Variants in USP34 observed in about 807,000 individuals in gnomAD.
USP34 encodes the protein ubiquitin carboxyl-terminal hydrolase 34.
Under a neutral mutation model 460.3 loss-of-function variants are expected in USP34, and 70 were observed. The observed-to-expected ratio is 0.15, with a 90% CI of 0.13 to 0.19. The LOEUF is 0.19. Ranked by LOEUF, USP34 falls within the 10% of genes least tolerant of loss-of-function variation. The pLI, the probability that USP34 is intolerant of heterozygous loss-of-function variation, is 1.00. For missense variants in USP34, 3,985 were observed against 4,236.2 expected, an observed-to-expected ratio of 0.94 and a Z score of 1.65; for synonymous variants, 1,647 against 1,405.3, an observed-to-expected ratio of 1.17 and a Z score of -3.85.
chr2:61,440,416 C>A (rs533097499), intron 1 of USP34, among the ~76,000 whole-genome samples: 1 of 152,070 alleles, frequency 6.6e-6, no homozygotes, highest in South Asian at 2.1e-4. Context: ...ACAGTGATTG[C>A]GGCTTCCTGT....
At chr2:61,312,783 A>G (rs921114060) in intron 25 of USP34, among the ~76,000 whole-genome samples, 1 of 152,194 alleles carries the variant, frequency 6.6e-6, no homozygotes, top group Non-Finnish European at 1.5e-5. Flanking sequence ...GTTCAGCAGC[A>G]TCTCACCAGA....
intron 38 of USP34, among the ~76,000 whole-genome samples, 181 bp from the exon 39 acceptor site, chr2:61,280,529 T>C (rs986070824): frequency 3.9e-4 from 59 of 151,924 alleles, no homozygotes; most frequent in African/African-American, 1.2e-3. Context: ...GGCAAAAAAA[T>C]GACAAACGTA....
chr2:61,359,964 T>C (rs1255030296), intron 10 of USP34, among the ~76,000 whole-genome samples: 1 of 151,998 alleles, frequency 6.6e-6, no homozygotes, highest in African/African-American at 2.4e-5. Context: ...TTTCTATTTT[T>C]AGTAGAAACG....
intron 51 of USP34, 73 bp downstream of exon 51, chr2:61,245,137 G>A: frequency 1.8e-6 from 2 of 1,098,422 alleles, no homozygotes; most frequent in Non-Finnish European, 2.7e-6. Flanking sequence ...AAGCGACTCT[G>A]CTATTGGATT....
chr2:61,404,255 A>G (rs7559099), intron 3 of USP34, among the ~76,000 whole-genome samples: 20,851 of 152,094 alleles, frequency 0.14, 1,699 homozygotes, highest in South Asian at 0.36. Flanking sequence ...TAAGCTAGAG[A>G]AAAGAGACAG....
In USP34 at chr2:61,385,238, T is replaced by TA. The variant is rs573663903; in HGVS notation, c.754-1903dup. Among the ~76,000 whole-genome samples, 30 of 152,188 alleles carry TA rather than the reference T, an allele frequency of 2.0e-4. 1 individual carries two copies. The highest frequency in any genetic ancestry group is 3.4e-3 in the Middle Eastern group (1 of 294). ...AATAATCAATTAAACAACATGTAAA[T>TA]AAGGAGACATTTGCCATATTTATTG... On this transcript the variant is annotated intron_variant, in intron 5 of 79. Transcript: ENST00000398571.
intron 27 of USP34, among the ~76,000 whole-genome samples, chr2:61,307,379 G>C (rs1178123538): frequency 6.6e-6 from 1 of 151,886 alleles, no homozygotes; most frequent in Admixed American, 6.6e-5. Context: ...ACAAGTTAAT[G>C]GGTGCAGGAC....
chr2:61,230,341 C>T (rs372844084), intron 58 of USP34, among the ~76,000 whole-genome samples: 4 of 152,094 alleles, frequency 2.6e-5, no homozygotes, highest in Non-Finnish European at 4.4e-5. Context: ...GCCTAGCCAA[C>T]ATGGCAAAAC....
chr2:61,405,353 G>C (rs572767848), intron 3 of USP34, among the ~76,000 whole-genome samples: 19 of 151,442 alleles, frequency 1.3e-4, no homozygotes, highest in African/African-American at 4.4e-4. Context: ...AGCAAATTCT[G>C]ATCTGTAGAC....
chr2:61,351,919 C>G (rs942541014), intron 10 of USP34, among the ~76,000 whole-genome samples: 1 of 152,126 alleles, frequency 6.6e-6, no homozygotes, highest in Admixed American at 6.5e-5. Flanking sequence ...AAGTTTACCA[C>G]TTTTACAGGT....
Position 61,265,953 on chromosome 2 carries a change from A to G in USP34, c.5617+31T>C, listed in dbSNP as rs745467043. 1.1e-5 allele frequency: 17 copies of G among 1,508,926 alleles called. No homozygotes were observed. In the African/African-American group the frequency reaches 1.8e-4, roughly 16 times the overall value. 93.5% of individuals were successfully genotyped at this position (1,508,926 alleles called of 1,614,324 possible). A position where few individuals can be genotyped will look rare whatever the true frequency, so the allele number is the denominator to read the frequency against. ...AATCTTATTTCTGAATTCAAAATCT[A>G]TAAAGATTAAAGGAAAAGAAGAATG... is the stretch of plus-strand genomic sequence containing the variant. On this transcript the variant is annotated intron_variant, in intron 42 of 79. Transcript: ENST00000398571.
Position 61,241,143 on chromosome 2 carries a change from C to G in USP34, c.6777+417G>C, listed in dbSNP as rs150441894. 3.4e-3 allele frequency among the ~76,000 whole-genome samples: 514 copies of G among 152,168 alleles called. 2 individuals are homozygous for G. Among genetic ancestry groups the G allele is most frequent in the African/African-American group, 0.011 (442 of 41,492 alleles). On this transcript the variant is annotated intron_variant, in intron 53 of 79. Coordinates refer to ENST00000398571, the MANE Select transcript of USP34 (RefSeq NM_014709.4). The stretch of plus-strand genomic sequence containing the variant: ...CACTGCAACCTCCGCCTCCCAGGTT[C>G]AAGCAATTCTCTGCCTCAGCCTCCC...
At chr2:61,375,867 A>C (rs993114236) in intron 8 of USP34, among the ~76,000 whole-genome samples, 1 of 151,998 alleles carries the variant, frequency 6.6e-6, no homozygotes, top group African/African-American at 2.4e-5. Context: ...TGATACTATT[A>C]AGCAATAAAA....
At chr2:61,303,357 C>T (rs896929507) in intron 27 of USP34, among the ~76,000 whole-genome samples, 3 of 151,570 alleles carry the variant, frequency 2.0e-5, no homozygotes, top group Admixed American at 6.6e-5. Context: ...TGAGCCACCA[C>T]GGCCCAGCCA....
chr2:61,278,178 G>A lies in USP34; in HGVS notation c.5420C>T (p.Ser1807Leu). 6.2e-7 allele frequency: 1 copy of A among 1,612,780 alleles called. No individual in the cohort carries two copies. Among genetic ancestry groups the A allele is most frequent in the Non-Finnish European group, 8.5e-7 (1 of 1,179,372 alleles). ...CTTAACACTTACCTGTCCTTCCCTT[G>A]AAAATTTAAAGGGTGGTTTGTGTTT... ...VVKHKPPFKF[S>L]REGQEFLRDI... Residue 1807 changes from serine to leucine, a missense_variant, in exon 41 of 80, where the codon TCA (serine) becomes TTA (leucine). By Grantham distance (145) the Ser-to-Leu change is moderately radical (BLOSUM62 -2). This residue lies in a region of USP34 where 1,114 missense variants were observed against 1,122.5 expected (regional missense o/e 0.99). Transcript: ENST00000398571.
At chr2:61,376,951 T>C (rs149211156) in intron 8 of USP34, among the ~76,000 whole-genome samples, 40 of 152,318 alleles carry the variant, frequency 2.6e-4, no homozygotes, top group Non-Finnish European at 3.7e-4. Context: ...CACAGAGCTG[T>C]AGCTTTATAA....
chr2:61,236,341 C>A lies in USP34; in HGVS notation c.6826G>T (p.Glu2276Ter). The A allele has an allele frequency of 1.2e-6, 2 of 1,603,728 alleles. No individual in the cohort carries two copies. Among genetic ancestry groups the A allele is most frequent in the South Asian group, 2.3e-5 (2 of 88,490 alleles). ...CAAACTTACCCAAAATATGTATGTT[C>A]AAAAATGTTTTTGTCTTGAAGAAAC... Reference protein sequence around the residue: ...MQFLQDKNIFEHTYFGFMWQL... With the variant: ...MQFLQDKNIF The change falls in exon 54 of 80, where the codon GAA (glutamate) becomes TAA (stop). Residue 2276 changes from glutamate (E) to a stop codon, truncating the protein, a stop_gained. Transcript: ENST00000398571. LOFTEE classifies it high-confidence loss of function.
At chr2:61,193,999 A>C (rs898591993) in intron 75 of USP34, 1 of 490,954 alleles carries the variant, frequency 2.0e-6, no homozygotes, top group African/African-American at 2.1e-5. Flanking sequence ...AAAATATTCT[A>C]TATTAAAAAA....
chr2:61,413,289 G>C (rs548393539), intron 2 of USP34, among the ~76,000 whole-genome samples: 181 of 152,332 alleles, frequency 1.2e-3, no homozygotes, highest in Admixed American at 2.5e-3. Flanking sequence ...AGATACTCAG[G>C]AGGCTGAGGC....
Sources: gnomAD v4.1 joint callset for allele counts (sites outside exome capture counted in the v4.1 genomes callset) on GRCh38, gnomAD v4.1.1 for gene constraint, gnomAD v4.1.1 regional missense constraint, MANE v1.5 for transcripts, NCBI Gene and HGNC (gene_info 2026-07-23, HGNC 2026-07-21) for gene names.